Variants in AEBP2 observed in about 807,000 individuals in gnomAD.
The protein encoded by AEBP2 is AE binding protein 2.
In AEBP2, 10 loss-of-function variants were observed where a neutral mutation model predicts 50.8. The ratio of observed to expected loss-of-function variants is 0.20; its 90% confidence interval spans 0.12 to 0.33. The LOEUF (loss-of-function observed/expected upper bound fraction) is 0.33, where lower values mean the gene tolerates loss of function less well. Ranked by LOEUF, AEBP2 falls within the 10% of genes least tolerant of loss-of-function variation. AEBP2 has a pLI of 1.00. For synonymous variants in AEBP2, 296 were observed against 261.3 expected (o/e 1.13, Z -1.28); for missense variants, 570 against 688.0 (o/e 0.83, Z 1.92).
At position 19,518,321 on chromosome 12, in the gene AEBP2, TATTACTG is replaced by T; in HGVS notation, c.*205_*211del. ...GACTCTTCGGTGGAATATATTAATA[TATTACTG>T]TATATCCACATTTTCATGGAATGGT... On this transcript the variant is annotated 3_prime_UTR_variant, in exon 8 of 8. Coordinates refer to ENST00000266508, the MANE Select transcript of AEBP2 (RefSeq NM_153207.5). 1 of 1,266,196 alleles carries T rather than the reference TATTACTG, an allele frequency of 7.9e-7. No homozygotes were observed. The highest frequency in any genetic ancestry group is 9.9e-7 in the Non-Finnish European group (1 of 1,007,016). The allele number at this position is 1,266,196 out of a possible 1,614,324, so 78.4% of individuals were successfully genotyped here.
chr12:19,500,155 A>T lies in AEBP2; in HGVS notation c.1233A>T (p.Ile411=). 6.2e-7 allele frequency: 1 copy of T among 1,604,640 alleles called. No individual in the cohort carries two copies. The highest frequency in any genetic ancestry group is 2.2e-5 in the East Asian group (1 of 44,564). ...TGGATGCGATAAGACATCGAGCCAT[A>T]TGCTTTAACCTCTCAGCTCATATAG... ...QTLDAIRHRA[I]CFNLSAHIES... The change falls in exon 5 of 8, where the codon ATA becomes ATT. Residue 411 remains isoleucine, a synonymous_variant. Transcript: ENST00000266508.
At chr12:19,468,867 A>G (rs1470973606) in intron 2 of AEBP2, among the ~76,000 whole-genome samples, 1 of 152,228 alleles carries the variant, frequency 6.6e-6, no homozygotes, top group African/African-American at 2.4e-5. Context: ...TAACACTGAA[A>G]TTTTAGACAT....
At chr12:19,483,040 G>A (rs1487984713) in intron 3 of AEBP2, among the ~76,000 whole-genome samples, 1 of 152,122 alleles carries the variant, frequency 6.6e-6, no homozygotes, top group African/African-American at 2.4e-5. Flanking sequence ...GCAGCTCTGC[G>A]CTGGTATCTG....
At chr12:19,436,802 A>T (rs989361614), upstream of AEBP2, among the ~76,000 whole-genome samples, 1 of 151,980 alleles carries the variant, frequency 6.6e-6, no homozygotes, top group African/African-American at 2.4e-5. Flanking sequence ...GTTTCATCCC[A>T]TTGCTCAGGC....
chr12:19,485,505 G>C (rs1018081529), intron 3 of AEBP2, among the ~76,000 whole-genome samples: 7 of 151,924 alleles, frequency 4.6e-5, no homozygotes, highest in African/African-American at 1.7e-4. Context: ...CCAGGAGTTT[G>C]AGACCAGCCT....
chr12:19,498,274 A>C (rs1949017127), intron 4 of AEBP2, among the ~76,000 whole-genome samples: 1 of 152,136 alleles, frequency 6.6e-6, no homozygotes, highest in Non-Finnish European at 1.5e-5. Flanking sequence ...AAAGTGATGT[A>C]TTTCTCAGAA....
chr12:19,476,532 G>A (rs1414188883), intron 3 of AEBP2, among the ~76,000 whole-genome samples: 1 of 65,370 alleles, frequency 1.5e-5, no homozygotes, highest in South Asian at 4.3e-4. Context: ...AGTAGAGACA[G>A]AGCTTCACCC....
At position 19,503,398 on chromosome 12, in the gene AEBP2, C is replaced by T. The variant is rs115354039; in HGVS notation, c.1299+3177C>T. Among the ~76,000 whole-genome samples, 704 of 151,672 alleles carry T rather than the reference C, an allele frequency of 4.6e-3. 3 individuals carry two copies. The highest frequency in any genetic ancestry group is 0.016 in the African/African-American group (679 of 41,372). On this transcript the variant is annotated intron_variant, in intron 5 of 7. Coordinates refer to ENST00000266508, the MANE Select transcript of AEBP2 (RefSeq NM_153207.5). ...GGAATTGCATTCTTGATTTGGTTGTCAGCTTGAGTGTTATTGGGGTATAGA... is the reference window on the plus strand; with the variant it reads ...GGAATTGCATTCTTGATTTGGTTGTTAGCTTGAGTGTTATTGGGGTATAGA...
chr12:19,444,838 A>G (rs997551339), intron 1 of AEBP2, among the ~76,000 whole-genome samples: 1 of 152,182 alleles, frequency 6.6e-6, no homozygotes, highest in African/African-American at 2.4e-5. Context: ...GGTGTGGTGA[A>G]TACTCCATTA....
intron 1 of AEBP2, among the ~76,000 whole-genome samples, chr12:19,426,971 G>A (rs1434722910): frequency 2.5e-5 from 3 of 120,036 alleles, no homozygotes; most frequent in Non-Finnish European, 5.6e-5. Flanking sequence ...ATTAGTGTTG[G>A]AATCTGTAAA....
At chr12:19,464,054 CAATTGTACA>C (rs1361130927) in intron 2 of AEBP2, among the ~76,000 whole-genome samples, 2 of 152,126 alleles carry the variant, frequency 1.3e-5, no homozygotes, top group Admixed American at 6.5e-5. Flanking sequence ...ATAAGTATAG[CAATTGTACA>C]TTTGTCTTCT....
intron 2 of AEBP2, among the ~76,000 whole-genome samples, chr12:19,464,594 T>C (rs1299660317): frequency 6.6e-6 from 1 of 150,654 alleles, no homozygotes; most frequent in Non-Finnish European, 1.5e-5. Flanking sequence ...ATTAATTAAT[T>C]TTTTTTTTTG....
upstream of AEBP2, among the ~76,000 whole-genome samples, chr12:19,437,874 C>T (rs12228394): frequency 0.023 from 3,428 of 152,258 alleles, 49 homozygotes; most frequent in East Asian, 0.043. Flanking sequence ...TGGGTACTCA[C>T]GGTATATGAC....
At chr12:19,463,101 G>A (rs759976016) in intron 2 of AEBP2, among the ~76,000 whole-genome samples, 5 of 152,058 alleles carry the variant, frequency 3.3e-5, no homozygotes, top group Non-Finnish European at 4.4e-5. Context: ...AAATTAACTG[G>A]GGAGACTATT....
chr12:19,444,723 C>T (rs1229934114), intron 1 of AEBP2, among the ~76,000 whole-genome samples: 7 of 152,216 alleles, frequency 4.6e-5, no homozygotes, highest in Non-Finnish European at 8.8e-5. Context: ...AATCCATCCA[C>T]GTTGCTTGAA....
chr12:19,442,506 G>A (rs1947980253), intron 1 of AEBP2, among the ~76,000 whole-genome samples: 1 of 152,186 alleles, frequency 6.6e-6, no homozygotes, highest in Non-Finnish European at 1.5e-5. Context: ...GTACATTTAG[G>A]AAGTGGAGTT....
intron 1 of AEBP2, among the ~76,000 whole-genome samples, chr12:19,417,692 G>A (rs1009488427): frequency 2.7e-5 from 4 of 149,218 alleles, no homozygotes; most frequent in Admixed American, 2.7e-4. Flanking sequence ...ACAGGTGTGA[G>A]CCACTGAGCC....
chr12:19,495,150 G>A (rs934848964), intron 4 of AEBP2, among the ~76,000 whole-genome samples: 5 of 152,076 alleles, frequency 3.3e-5, no homozygotes, highest in Admixed American at 1.3e-4. Context: ...TGATCCACCC[G>A]CCTTGGCCTC....
intron 7 of AEBP2, among the ~76,000 whole-genome samples, chr12:19,517,542 A>G (rs950130543): frequency 1.3e-5 from 2 of 152,262 alleles, no homozygotes; most frequent in African/African-American, 2.4e-5. Flanking sequence ...AGTATACAGA[A>G]GGATGTATGT....
Sources: gnomAD v4.1 joint callset for allele counts (sites outside exome capture counted in the v4.1 genomes callset) on GRCh38, gnomAD v4.1.1 for gene constraint, MANE v1.5 for transcripts, NCBI Gene and HGNC (gene_info 2026-07-23, HGNC 2026-07-21) for gene names.